Variants in INPP5F observed in about 807,000 individuals in gnomAD.
INPP5F encodes inositol polyphosphate-5-phosphatase F.
Under a neutral mutation model 137.2 loss-of-function variants are expected in INPP5F, and 97 were observed. The ratio of observed to expected loss-of-function variants is 0.71; its 90% confidence interval spans 0.60 to 0.84. The LOEUF is 0.84. INPP5F is among the 40% of genes least tolerant of loss of function. The pLI is 0.00. For missense variants in INPP5F, 1,271 were observed against 1,371.9 expected, an observed-to-expected ratio of 0.93 and a Z score of 1.16; for synonymous variants, 504 against 476.9, an observed-to-expected ratio of 1.06 and a Z score of -0.74.
chr10:119,812,317 T>C (rs1472872779), intron 15 of INPP5F, among the ~76,000 whole-genome samples: 2 of 152,162 alleles, frequency 1.3e-5, no homozygotes, highest in Admixed American at 6.6e-5. Context: ...TGAGGCTGGG[T>C]ATTTTTATTG....
At position 119,762,298 on chromosome 10, in the gene INPP5F, A is replaced by G. The variant is rs569748478; in HGVS notation, c.178+11142A>G. Among the ~76,000 whole-genome samples the G allele has an allele frequency of 2.0e-5, 3 of 152,328 alleles. No individual in the cohort carries two copies. The East Asian group carries it at 5.8e-4, about 29-fold the overall frequency. ...GACAGCCTAAGATCAAAGCCCCAGA[A>G]GATTTGATGTCTGGTGAGGGGCTGC... On this transcript the variant is annotated intron_variant, in intron 2 of 19. Transcript: ENST00000650623.
intron 2 of INPP5F, among the ~76,000 whole-genome samples, chr10:119,769,302 A>G (rs1849267200): frequency 6.6e-6 from 1 of 152,000 alleles, no homozygotes; most frequent in Admixed American, 6.6e-5. Flanking sequence ...TTTTATTTAT[A>G]TTTATTTACT....
chr10:119,773,892 C>G (rs937233254), intron 2 of INPP5F, among the ~76,000 whole-genome samples: 3 of 152,164 alleles, frequency 2.0e-5, no homozygotes, highest in Admixed American at 6.5e-5. Context: ...CCTAGGAAGA[C>G]AAGTAGTCTC....
chr10:119,741,555 G>A (rs1394794639), intron 1 of INPP5F, among the ~76,000 whole-genome samples: 2 of 151,976 alleles, frequency 1.3e-5, no homozygotes, highest in Admixed American at 1.3e-4. Flanking sequence ...TTTTCTTGAG[G>A]TGGAGTTTTG....
In INPP5F at chr10:119,810,111, A is replaced by G; in HGVS notation, c.1581A>G (p.Thr527=). ...AGTAALKGDF[T]RTGERKLAGV... ...TTTTTGTTTGACAGGGTGACTTTAC[A>G]AGGACAGGAGAAAGGAAGTTAGCAG... is the stretch of plus-strand genomic sequence containing the variant. Residue 527 remains threonine, a synonymous_variant, in exon 14 of 20, where the codon ACA becomes ACG. Transcript: ENST00000650623. The G allele has an allele frequency of 6.2e-7, 1 of 1,607,668 alleles. No individual in the cohort carries two copies. Among genetic ancestry groups the G allele is most frequent in the Admixed American group, 1.7e-5 (1 of 59,824 alleles).
chr10:119,761,554 G>T (rs528989285), intron 2 of INPP5F, among the ~76,000 whole-genome samples: 1 of 151,476 alleles, frequency 6.6e-6, no homozygotes, highest in East Asian at 1.9e-4. Context: ...CTTCCATTAG[G>T]GGGGACAAAA....
At chr10:119,809,728 T>C (rs1241429263) in intron 13 of INPP5F, among the ~76,000 whole-genome samples, 1 of 152,232 alleles carries the variant, frequency 6.6e-6, no homozygotes, top group Non-Finnish European at 1.5e-5. Context: ...CATTTTCCCA[T>C]GTCAGAAACA....
chr10:119,774,096 T>C (rs1186198763), intron 2 of INPP5F, among the ~76,000 whole-genome samples: 1 of 151,728 alleles, frequency 6.6e-6, no homozygotes, highest in African/African-American at 2.4e-5. Flanking sequence ...ACCCCGTCTC[T>C]ACTAAAAATA....
intron 2 of INPP5F, among the ~76,000 whole-genome samples, chr10:119,771,864 A>G (rs1486894833): frequency 7.6e-5 from 1 of 13,120 alleles, no homozygotes; most frequent in African/African-American, 1.9e-4. Context: ...ATATATATAT[A>G]TATATATATA....
intron 1 of INPP5F, among the ~76,000 whole-genome samples, chr10:119,733,024 C>T (rs1304670930): frequency 6.6e-6 from 1 of 152,176 alleles, no homozygotes; most frequent in Non-Finnish European, 1.5e-5. Flanking sequence ...ACCAGGTTTT[C>T]CTCAGTATTG....
intron 2 of INPP5F, among the ~76,000 whole-genome samples, chr10:119,770,128 T>C (rs1452353487): frequency 2.0e-5 from 3 of 152,178 alleles, no homozygotes; most frequent in African/African-American, 2.4e-5. Context: ...CACTTCCTAA[T>C]CAGTTTTTTT....
At chr10:119,777,190 T>C (rs1849552346) in intron 2 of INPP5F, among the ~76,000 whole-genome samples, 1 of 152,140 alleles carries the variant, frequency 6.6e-6, no homozygotes, top group Admixed American at 6.5e-5. Context: ...CCACCATGCC[T>C]GGCCCAACTC....
chr10:119,785,647 C>G (rs982220148), intron 3 of INPP5F, among the ~76,000 whole-genome samples: 1 of 150,276 alleles, frequency 6.7e-6, no homozygotes, highest in Non-Finnish European at 1.5e-5. Flanking sequence ...TTGCTTAAGG[C>G]CAGGAGTTCG....
At chr10:119,726,429 C>A (rs1226219538) in intron 1 of INPP5F, 70 bp downstream of exon 1, 1 of 948,158 alleles carries the variant, frequency 1.1e-6, no homozygotes, top group South Asian at 4.9e-5. Flanking sequence ...CGGCCGGACC[C>A]CTCAGCCGGG....
intron 2 of INPP5F, among the ~76,000 whole-genome samples, chr10:119,765,472 A>G (rs138483386): frequency 6.6e-6 from 1 of 151,880 alleles, no homozygotes; most frequent in Non-Finnish European, 1.5e-5. Flanking sequence ...CCTAGGTTCA[A>G]GCGACTCTCA....
intron 15 of INPP5F, 66 bp downstream of exon 15, chr10:119,812,021 C>T: frequency 8.0e-7 from 1 of 1,254,308 alleles, no homozygotes; most frequent in Non-Finnish European, 1.2e-6. Context: ...TCATGATTAA[C>T]ACTGGCAGTT....
chr10:119,811,851 C>G lies in INPP5F; in HGVS notation c.1782C>G (p.Ser594Arg). 1 of 1,613,958 alleles carries G rather than the reference C, an allele frequency of 6.2e-7. No individual in the cohort carries two copies. The highest frequency in any genetic ancestry group is 8.5e-7 in the Non-Finnish European group (1 of 1,179,806). Residue 594 changes from serine to arginine, a missense_variant, in exon 15 of 20, where the codon AGC becomes AGG. Ser to Arg is a moderately radical substitution (Grantham distance 110, BLOSUM62 -1). Coordinates refer to ENST00000650623, the MANE Select transcript of INPP5F (RefSeq NM_014937.4). Reference protein sequence around the residue: ...HEALHKENQRSHQELISQLLQ... With the variant: ...HEALHKENQRRHQELISQLLQ... The stretch of plus-strand genomic sequence containing the variant: ...CTTTGCATAAGGAAAATCAGAGAAG[C>G]CACCAGGAACTAATTAGCCAGCTCT...
chr10:119,735,542 T>A (rs928890596), intron 1 of INPP5F, among the ~76,000 whole-genome samples: 14 of 152,254 alleles, frequency 9.2e-5, no homozygotes, highest in African/African-American at 3.4e-4. Flanking sequence ...AGGTATAATA[T>A]TGATGTTTCA....
At chr10:119,750,991 T>G (rs1407951489) in intron 1 of INPP5F, 85 bp from the exon 2 acceptor site, 1 of 894,636 alleles carries the variant, frequency 1.1e-6, no homozygotes, top group East Asian at 2.4e-5. Flanking sequence ...GGACATTGAT[T>G]TTTTTTCAAT....
Sources: gnomAD v4.1 joint callset for allele counts (sites outside exome capture counted in the v4.1 genomes callset) on GRCh38, gnomAD v4.1.1 for gene constraint, MANE v1.5 for transcripts, NCBI Gene and HGNC (gene_info 2026-07-23, HGNC 2026-07-21) for gene names.